Variants in BTG4 observed in about 807,000 individuals in gnomAD.
The protein encoded by BTG4 is protein BTG4.
In BTG4, 10 loss-of-function variants were observed where a neutral mutation model predicts 19.3. The ratio of observed to expected loss-of-function variants is 0.52; its 90% CI spans 0.32 to 0.88. The LOEUF is 0.88. Ranked by LOEUF, BTG4 falls within the 40% of genes least tolerant of loss-of-function variation. BTG4 has a pLI of 0.04. For missense variants in BTG4, 238 were observed against 281.9 expected, an observed-to-expected ratio of 0.84 and a Z score of 1.11; for synonymous variants, 91 against 95.7, an observed-to-expected ratio of 0.95 and a Z score of 0.29.
the BTG4 span, among the ~76,000 whole-genome samples, chr11:111,461,032 G>T: frequency 2.3e-4 from 35 of 152,196 alleles, no homozygotes; most frequent in African/African-American, 8.2e-4. Flanking sequence ...GTTCTAGAAA[G>T]CTCTCCCTGG....
intron 5 of BTG4, among the ~76,000 whole-genome samples, chr11:111,478,533 G>A (rs529115193): frequency 6.6e-6 from 1 of 152,006 alleles, no homozygotes; most frequent in Non-Finnish European, 1.5e-5. Flanking sequence ...ACAACACCAA[G>A]ATGACAAAGA....
chr11:111,437,135 C>T, the BTG4 span, among the ~76,000 whole-genome samples: 7 of 152,242 alleles, frequency 4.6e-5, no homozygotes, highest in East Asian at 9.6e-4. Context: ...CCAGCAGCCC[C>T]CACCCTCAGA....
At chr11:111,427,974 C>A in the BTG4 span, among the ~76,000 whole-genome samples, 2 of 152,114 alleles carry the variant, frequency 1.3e-5, no homozygotes, top group East Asian at 1.9e-4. Context: ...CAGCCCAAGG[C>A]GGTGGCATTC....
the BTG4 span, among the ~76,000 whole-genome samples, chr11:111,461,244 G>T: frequency 6.6e-6 from 1 of 152,324 alleles, no homozygotes; most frequent in East Asian, 1.9e-4. Flanking sequence ...TAGAAGCCAA[G>T]AAATTTCAAT....
At chr11:111,500,043 G>A (rs1865971666) in intron 1 of BTG4, among the ~76,000 whole-genome samples, 1 of 152,008 alleles carries the variant, frequency 6.6e-6, no homozygotes, top group South Asian at 2.1e-4. Flanking sequence ...TCAGGAGGCT[G>A]AGGCAGGACA....
At chr11:111,398,365 T>C in the BTG4 span, among the ~76,000 whole-genome samples, 1 of 152,240 alleles carries the variant, frequency 6.6e-6, no homozygotes, top group African/African-American at 2.4e-5. Context: ...AGCAGTTGTT[T>C]TCAAACTTTG....
At chr11:111,412,219 T>C in the BTG4 span, among the ~76,000 whole-genome samples, 1 of 152,212 alleles carries the variant, frequency 6.6e-6, no homozygotes, top group African/African-American at 2.4e-5. Context: ...CACTTTGTGA[T>C]GTGGAGATGT....
the BTG4 span, among the ~76,000 whole-genome samples, chr11:111,401,209 A>G: frequency 0.011 from 1,667 of 152,238 alleles, 13 homozygotes; most frequent in Non-Finnish European, 0.016. Flanking sequence ...AGCTGGGGCC[A>G]GGCGCAGTGG....
chr11:111,483,290 T>C lies in BTG4; in HGVS notation c.662+11873A>G, dbSNP rs541120826. On this transcript the variant is annotated intron_variant, in intron 5 of 5. Coordinates refer to the BTG4 transcript ENST00000356018. ...TACAAATAAATCCAGATTACAAAGA[T>C]TGGAATACTTAATTCTTCAATGCCC... Among the ~76,000 whole-genome samples the C allele has an allele frequency of 1.4e-4, 21 of 152,250 alleles. No individual in the cohort carries two copies. The South Asian group carries it at 4.4e-3, about 32-fold the overall frequency.
chr11:111,412,331 C>A, the BTG4 span, among the ~76,000 whole-genome samples: 12 of 152,162 alleles, frequency 7.9e-5, no homozygotes, highest in African/African-American at 2.7e-4. Context: ...TTTTAGGATA[C>A]AAGAAACGAG....
At chr11:111,393,090 A>T in the BTG4 span, among the ~76,000 whole-genome samples, 33 of 152,306 alleles carry the variant, frequency 2.2e-4, no homozygotes, top group South Asian at 1.7e-3. Context: ...CATACAATAC[A>T]CATCAACAAT....
chr11:111,421,648 C>G, the BTG4 span, among the ~76,000 whole-genome samples: 1 of 152,282 alleles, frequency 6.6e-6, no homozygotes, highest in Admixed American at 6.5e-5. Flanking sequence ...GGCGTGGTGG[C>G]TCACACCTGT....
At chr11:111,451,354 T>TC in the BTG4 span, 2 of 449,154 alleles carry the variant, frequency 4.5e-6, no homozygotes, top group South Asian at 3.1e-5. Flanking sequence ...CTGCAGCAGT[T>TC]CCAAAAGCCG....
chr11:111,399,882 C>T, the BTG4 span, among the ~76,000 whole-genome samples: 3 of 152,042 alleles, frequency 2.0e-5, no homozygotes, highest in Non-Finnish European at 4.4e-5. Context: ...CTCAGGGTGG[C>T]GGGTGTGAGC....
chr11:111,508,152 C>G (rs1467046299), intron 1 of BTG4, among the ~76,000 whole-genome samples: 1 of 152,198 alleles, frequency 6.6e-6, no homozygotes, highest in Non-Finnish European at 1.5e-5. Flanking sequence ...AGTTATCAAC[C>G]AAGTCATGCA....
At position 111,511,545 on chromosome 11, in the gene BTG4, C is replaced by T. The variant is rs935748793; in HGVS notation, c.-27+636G>A. ...TGGTGTCAGCAATGGGTGCTCTATA[C>T]TGGATGCATGAAGACCATATTTCTA... On this transcript the variant is annotated intron_variant, in intron 1 of 4. Coordinates refer to ENST00000692032, the MANE Select transcript of BTG4 (RefSeq NM_001367975.1). Among the ~76,000 whole-genome samples the T allele has an allele frequency of 1.4e-4, 22 of 152,348 alleles. No individual in the cohort carries two copies. In the South Asian group the frequency reaches 2.7e-3, roughly 19 times the overall value.
chr11:111,505,686 A>G (rs2135722010), intron 1 of BTG4, among the ~76,000 whole-genome samples: 1 of 152,256 alleles, frequency 6.6e-6, no homozygotes, highest in East Asian at 1.9e-4. Context: ...TAGGATAAAA[A>G]GACAACTCAC....
the BTG4 span, among the ~76,000 whole-genome samples, chr11:111,411,318 C>A: frequency 9.9e-5 from 15 of 152,166 alleles, no homozygotes; most frequent in Admixed American, 2.6e-4. Context: ...GCACACTGAC[C>A]CCCTTGCCGC....
chr11:111,407,476 G>A, the BTG4 span, among the ~76,000 whole-genome samples: 19 of 152,222 alleles, frequency 1.2e-4, no homozygotes, highest in East Asian at 3.7e-3. Flanking sequence ...TTCAAGACCA[G>A]CCTGACCAAC....
Sources: allele counts gnomAD v4.1 joint callset (sites outside exome capture counted in the v4.1 genomes callset), GRCh38; gene constraint gnomAD v4.1.1; transcripts MANE v1.5; gene names NCBI Gene and HGNC (gene_info 2026-07-23, HGNC 2026-07-21).